The following EHBP1 variants were observed in gnomAD, a reference collection of about 807,000 sequenced individuals.
EHBP1 encodes EH domain-binding protein 1.
In EHBP1, 55 loss-of-function variants were observed where a neutral mutation model predicts 144.0. The observed-to-expected ratio is 0.38, with a 90% CI of 0.31 to 0.48. EHBP1 has a LOEUF of 0.48. EHBP1 is among the 20% of genes least tolerant of loss of function. The probability of loss-of-function intolerance (pLI) is 0.98; values close to 1 mark genes in which losing one functional copy is unlikely to be tolerated. For synonymous variants in EHBP1, 469 were observed against 472.7 expected (o/e 0.99, Z 0.10); for missense variants, 1,200 against 1,364.2 (o/e 0.88, Z 1.90).
At chr2:63,004,136 ACTTCTTTTTTTCCT>A (rs2059944319) in intron 19 of EHBP1, among the ~76,000 whole-genome samples, 1 of 152,020 alleles carries the variant, frequency 6.6e-6, no homozygotes, top group Non-Finnish European at 1.5e-5. Flanking sequence ...TCTGTACATA[ACTTCTTTTTTTCCT>A]CTTCTTTTTT....
At chr2:62,840,345 G>A (rs1362150967) in intron 7 of EHBP1, among the ~76,000 whole-genome samples, 1 of 127,426 alleles carries the variant, frequency 7.8e-6, no homozygotes, top group African/African-American at 2.9e-5. Context: ...AATTCAAGAT[G>A]GATTAAAGAC....
chr2:62,895,212 T>C (rs1475652250), intron 10 of EHBP1, among the ~76,000 whole-genome samples: 3 of 152,132 alleles, frequency 2.0e-5, no homozygotes, highest in Non-Finnish European at 4.4e-5. Context: ...GTTATACAAG[T>C]GTATGCATTT....
At chr2:62,934,973 C>T (rs755561664) in intron 10 of EHBP1, among the ~76,000 whole-genome samples, 2 of 151,936 alleles carry the variant, frequency 1.3e-5, no homozygotes, top group Non-Finnish European at 2.9e-5. Flanking sequence ...GTTGGTTAGC[C>T]GTTTCTCTCT....
At chr2:62,893,124 C>A (rs2052595641) in intron 10 of EHBP1, among the ~76,000 whole-genome samples, 2 of 151,990 alleles carry the variant, frequency 1.3e-5, no homozygotes, top group Non-Finnish European at 2.9e-5. Context: ...GTAGTGTTAC[C>A]CTAATTCCTA....
intron 3 of EHBP1, among the ~76,000 whole-genome samples, chr2:62,761,327 G>A (rs1383585793): frequency 6.6e-6 from 1 of 152,156 alleles, no homozygotes; most frequent in Non-Finnish European, 1.5e-5. Context: ...CTCGTGATGA[G>A]CCTCTGTTTC....
intron 7 of EHBP1, among the ~76,000 whole-genome samples, chr2:62,831,626 T>C (rs2046829749): frequency 6.6e-6 from 1 of 152,226 alleles, no homozygotes; most frequent in Non-Finnish European, 1.5e-5. Flanking sequence ...CAGGTATTCC[T>C]TCAAGCTGAG....
intron 1 of EHBP1, among the ~76,000 whole-genome samples, chr2:62,674,602 A>G (rs1419105075): frequency 6.6e-6 from 1 of 152,234 alleles, no homozygotes; most frequent in Admixed American, 6.5e-5. Context: ...TTTATGACCT[A>G]TAAGTTTTCT....
rs2034493152 is a variant in EHBP1 at position 62,705,792 on chromosome 2, CG to C, written c.-554del. On this transcript the variant is annotated 5_prime_UTR_variant, in exon 1 of 23. Coordinates refer to ENST00000431489, the MANE Select transcript of EHBP1 (RefSeq NM_001142616.3). ...GGGGGAGGGGGTGCTGGGCGCTGAG[CG>C]GTGGCTCTGGCAGGGCTTGGTAGGG... 2 of 87,842 alleles carry C rather than the reference CG, an allele frequency of 2.3e-5. No homozygotes were observed. 5.4% of individuals were successfully genotyped at this position (87,842 alleles called of 1,614,324 possible).
At chr2:62,767,233 C>T (rs2041261849) in intron 4 of EHBP1, among the ~76,000 whole-genome samples, 1 of 152,124 alleles carries the variant, frequency 6.6e-6, no homozygotes, top group South Asian at 2.1e-4. Flanking sequence ...TTTATGTTAG[C>T]ATTTAATATC....
intron 3 of EHBP1, among the ~76,000 whole-genome samples, chr2:62,754,676 C>T (rs4671449): frequency 0.11 from 16,051 of 152,290 alleles, 1,139 homozygotes; most frequent in East Asian, 0.19. Flanking sequence ...TCTACTCAAG[C>T]CTCAGCAATG....
chr2:62,684,541 T>A (rs555098321), intron 1 of EHBP1, among the ~76,000 whole-genome samples: 1 of 152,324 alleles, frequency 6.6e-6, no homozygotes, highest in East Asian at 1.9e-4. Flanking sequence ...TTAGGAGCCA[T>A]GGATTTGATT....
chr2:62,782,060 T>G (rs1486254066), intron 5 of EHBP1, among the ~76,000 whole-genome samples: 1 of 152,210 alleles, frequency 6.6e-6, no homozygotes, highest in Non-Finnish European at 1.5e-5. Flanking sequence ...CTCAAACCCA[T>G]GTCTTCAAAC....
intron 10 of EHBP1, among the ~76,000 whole-genome samples, chr2:62,923,110 G>C (rs1475432923): frequency 6.6e-6 from 1 of 152,098 alleles, no homozygotes; most frequent in Admixed American, 6.5e-5. Flanking sequence ...TTCTCTGGGG[G>C]CACATAGTCA....
Position 62,948,351 on chromosome 2 carries a change from T to C in EHBP1, c.1505T>C (p.Met502Thr). The C allele has an allele frequency of 6.2e-7, 1 of 1,613,548 alleles. No individual in the cohort carries two copies. The highest frequency in any genetic ancestry group is 8.5e-7 in the Non-Finnish European group (1 of 1,179,794). ...LLAIPDKLTV[M>T]TYLYQIRAHF... ...GCAATTCCTGATAAACTGACTGTTATGACTTATCTCTATCAAATAAGGGCA... is the reference window on the plus strand; with the variant it reads ...GCAATTCCTGATAAACTGACTGTTACGACTTATCTCTATCAAATAAGGGCA... The change falls in exon 13 of 23, where the codon ATG (methionine) becomes ACG (threonine). Residue 502 changes from methionine to threonine, a missense_variant. Coordinates refer to ENST00000431489, the MANE Select transcript of EHBP1 (RefSeq NM_001142616.3).
At chr2:62,806,396 A>T (rs1211816130) in intron 5 of EHBP1, among the ~76,000 whole-genome samples, 1 of 150,652 alleles carries the variant, frequency 6.6e-6, no homozygotes, top group Non-Finnish European at 1.5e-5. Flanking sequence ...TTTGAGGCGG[A>T]GTCTTGCTGT....
At chr2:62,726,970 C>T (rs764801784) in intron 2 of EHBP1, among the ~76,000 whole-genome samples, 7 of 152,060 alleles carry the variant, frequency 4.6e-5, no homozygotes, top group Non-Finnish European at 7.3e-5. Context: ...TCAAGCAATT[C>T]TCCTGCCTCA....
chr2:62,948,224 T>A, intron 12 of EHBP1, 36 bp from the exon 13 acceptor site: 4 of 1,490,074 alleles, frequency 2.7e-6, no homozygotes, highest in Non-Finnish European at 3.6e-6. Flanking sequence ...TTATATGAAC[T>A]GTTCAATATA....
chr2:62,975,835 G>T (rs1378488806), intron 14 of EHBP1, among the ~76,000 whole-genome samples: 1 of 150,956 alleles, frequency 6.6e-6, no homozygotes, highest in African/African-American at 2.4e-5. Context: ...TCAAGGCTGC[G>T]GTGAGCTGTG....
At chr2:62,823,604 C>CCA (rs2046142027) in intron 5 of EHBP1, among the ~76,000 whole-genome samples, 1 of 152,028 alleles carries the variant, frequency 6.6e-6, no homozygotes, top group African/African-American at 2.4e-5. Flanking sequence ...TGGGTGGGTA[C>CCA]AGATTTAGAC....
Sources: allele counts gnomAD v4.1 joint callset (sites outside exome capture counted in the v4.1 genomes callset), GRCh38; gene constraint gnomAD v4.1.1; transcripts MANE v1.5; gene names NCBI Gene and HGNC (gene_info 2026-07-23, HGNC 2026-07-21).